SMC6: variants seen among roughly 807,000 people sequenced by gnomAD.
SMC6 encodes the protein structural maintenance of chromosomes protein 6.
In SMC6, 79 loss-of-function variants were observed where a neutral mutation model predicts 142.2. The observed-to-expected ratio is 0.56, with a 90% CI of 0.46 to 0.67. The LOEUF is 0.67. SMC6 is among the 30% of genes least tolerant of loss of function. The pLI is 0.00. For missense variants in SMC6, 1,072 were observed against 1,284.0 expected, an observed-to-expected ratio of 0.83 and a Z score of 2.52; for synonymous variants, 411 against 412.4, an observed-to-expected ratio of 1.00 and a Z score of 0.04.
intron 25 of SMC6, among the ~76,000 whole-genome samples, chr2:17,671,538 G>A (rs1323362706): frequency 6.9e-6 from 1 of 144,472 alleles, no homozygotes; most frequent in Non-Finnish European, 1.5e-5. Flanking sequence ...GAGCCTGGGA[G>A]ACAGAGGTTG....
intron 5 of SMC6, among the ~76,000 whole-genome samples, chr2:17,734,808 T>G (rs1670069895): frequency 6.6e-6 from 1 of 152,274 alleles, no homozygotes; most frequent in East Asian, 1.9e-4. Context: ...CTCGGCTCAC[T>G]GCAATCTCCG....
intron 16 of SMC6, 69 bp from the exon 17 acceptor site, chr2:17,708,822 G>A: frequency 2.5e-6 from 1 of 397,264 alleles, no homozygotes; most frequent in Non-Finnish European, 3.8e-6. Context: ...TATGAAAATT[G>A]TGTATATATA....
chr2:17,685,414 G>A (rs1379023002), intron 23 of SMC6, among the ~76,000 whole-genome samples: 1 of 152,010 alleles, frequency 6.6e-6, no homozygotes, highest in Non-Finnish European at 1.5e-5. Flanking sequence ...ATGAGCTAAG[G>A]ATTTTATATT....
Position 17,703,258 on chromosome 2 carries a change from G to C in SMC6, c.2041C>G (p.Gln681Glu). The change falls in exon 19 of 28, where the codon CAG becomes GAG. Residue 681 changes from glutamine to glutamate, a missense_variant. Around this residue, in one of 3 missense-constraint regions of SMC6, gnomAD observed 994 missense variants for 1,153.2 expected, o/e 0.86. Coordinates refer to ENST00000448223, the MANE Select transcript of SMC6 (RefSeq NM_001142286.2). Reference protein sequence around the residue: ...LENEVENKTAQILNLQQHLSA... With the variant: ...LENEVENKTAEILNLQQHLSA... ...AAATGTTGCTGAAGATTTAATATCT[G>C]GGCCGTCTTATTTTCAACCTCATTC... 6.2e-7 allele frequency: 1 copy of C among 1,605,576 alleles called. No homozygotes were observed. Among genetic ancestry groups the C allele is most frequent in the Non-Finnish European group, 8.5e-7 (1 of 1,176,370 alleles).
At chr2:17,717,515 C>T (rs1409123096) in intron 12 of SMC6, among the ~76,000 whole-genome samples, 5 of 151,932 alleles carry the variant, frequency 3.3e-5, no homozygotes, top group African/African-American at 7.2e-5. Flanking sequence ...ACTAAAAATA[C>T]GAAAAATTAG....
intron 15 of SMC6, among the ~76,000 whole-genome samples, chr2:17,715,491 T>C (rs1425225135): frequency 6.6e-6 from 1 of 151,854 alleles, no homozygotes; most frequent in Admixed American, 6.6e-5. Flanking sequence ...TATAAAGGTA[T>C]GTATCATTTA....
chr2:17,734,575 G>A (rs1053833815), intron 5 of SMC6, among the ~76,000 whole-genome samples: 6 of 152,030 alleles, frequency 3.9e-5, no homozygotes, highest in African/African-American at 1.5e-4. Flanking sequence ...TTTCTTAAAT[G>A]ACTACATATA....
intron 5 of SMC6, among the ~76,000 whole-genome samples, chr2:17,734,990 G>GA (rs1324640045): frequency 1.3e-5 from 2 of 152,100 alleles, no homozygotes; most frequent in Non-Finnish European, 2.9e-5. Flanking sequence ...ACTCGGGCTC[G>GA]AAAGTGCCAG....
At chr2:17,668,560 T>A (rs1367097428) in intron 26 of SMC6, among the ~76,000 whole-genome samples, 2 of 151,870 alleles carry the variant, frequency 1.3e-5, no homozygotes, top group Non-Finnish European at 2.9e-5. Context: ...ATATAAAGCA[T>A]TTTTATATTT....
chr2:17,717,003 T>C (rs1669120861), intron 13 of SMC6, 85 bp downstream of exon 13: 1 of 1,516,754 alleles, frequency 6.6e-7, no homozygotes, highest in Non-Finnish European at 8.9e-7. Context: ...TTAACAACAA[T>C]ACATAAAATA....
In SMC6 at chr2:17,731,150, G is replaced by A. The variant is rs1399251802; in HGVS notation, c.482-11C>T. The A allele has an allele frequency of 6.3e-7, 1 of 1,594,090 alleles. No homozygotes were observed. The highest frequency in any genetic ancestry group is 2.2e-5 in the East Asian group (1 of 44,570). Reference sequence around the variant, plus strand: ...TGGAAACCACGGAGCCTAGTTATAAGAAACATATGAAATAACCAAACTGTT... The same window carrying A: ...TGGAAACCACGGAGCCTAGTTATAAAAAACATATGAAATAACCAAACTGTT... On this transcript the variant is annotated splice_polypyrimidine_tract_variant and intron_variant, in intron 6 of 27. Transcript: ENST00000448223.
intron 25 of SMC6, among the ~76,000 whole-genome samples, chr2:17,674,944 T>C (rs1558325716): frequency 6.6e-6 from 1 of 152,126 alleles, no homozygotes; most frequent in Non-Finnish European, 1.5e-5. Context: ...AGCATACAGT[T>C]AGTTTTTGTA....
intron 18 of SMC6, among the ~76,000 whole-genome samples, chr2:17,705,406 G>C (rs1668458925): frequency 6.6e-6 from 1 of 152,004 alleles, no homozygotes; most frequent in South Asian, 2.1e-4. Context: ...GTGAAACCCT[G>C]TCTCCACAAA....
intron 3 of SMC6, among the ~76,000 whole-genome samples, chr2:17,742,243 T>G (rs1371451811): frequency 6.6e-6 from 1 of 152,184 alleles, no homozygotes; most frequent in Non-Finnish European, 1.5e-5. Context: ...AAGATGACGA[T>G]CCAGCCATGC....
intron 19 of SMC6, among the ~76,000 whole-genome samples, chr2:17,702,674 T>C (rs116139969): frequency 0.016 from 2,428 of 152,306 alleles, 33 homozygotes; most frequent in Non-Finnish European, 0.027. Flanking sequence ...TGGGAGATAA[T>C]TGAACCATGG....
chr2:17,743,634 ATAT>A (rs1558381704), intron 3 of SMC6, among the ~76,000 whole-genome samples: 1 of 152,096 alleles, frequency 6.6e-6, no homozygotes. Flanking sequence ...GGTTCACTCG[ATAT>A]TATTGTACAT....
intron 25 of SMC6, among the ~76,000 whole-genome samples, chr2:17,671,036 G>GTT (rs138967912): frequency 3.2e-4 from 44 of 137,072 alleles, no homozygotes; most frequent in Admixed American, 4.4e-4. Flanking sequence ...TAATTTTTGT[G>GTT]TTTTTTTTTT....
At chr2:17,675,992 A>G (rs1414724588) in intron 25 of SMC6, among the ~76,000 whole-genome samples, 3 of 152,004 alleles carry the variant, frequency 2.0e-5, no homozygotes, top group Non-Finnish European at 4.4e-5. Context: ...ATTATGTTAA[A>G]CTTGCTGGTT....
At chr2:17,690,621 CA>C (rs200976718) in intron 23 of SMC6, among the ~76,000 whole-genome samples, 4 of 148,480 alleles carry the variant, frequency 2.7e-5, no homozygotes, top group African/African-American at 5.0e-5. Context: ...ACCAAAAAAA[CA>C]AAAAAAAACT....
Sources: gnomAD v4.1 joint callset for allele counts (sites outside exome capture counted in the v4.1 genomes callset) on GRCh38, gnomAD v4.1.1 for gene constraint, gnomAD v4.1.1 regional missense constraint, MANE v1.5 for transcripts, NCBI Gene and HGNC (gene_info 2026-07-23, HGNC 2026-07-21) for gene names.